The following CHRNB1 variants were observed in gnomAD, a reference collection of about 807,000 sequenced individuals.
CHRNB1 encodes the protein cholinergic receptor nicotinic beta 1 subunit.
CHRNB1 carries 47 observed loss-of-function variants against 53.8 expected under a neutral mutation model. That is an observed-to-expected ratio of 0.87 (90% CI 0.69 to 1.11). CHRNB1 has a LOEUF of 1.11. CHRNB1 is among the 50% of genes most tolerant of loss of function. CHRNB1 has a pLI of 0.00. For synonymous variants in CHRNB1, 259 were observed against 263.5 expected, an observed-to-expected ratio of 0.98 and a Z score of 0.16; for missense variants, 605 against 654.9, an observed-to-expected ratio of 0.92 and a Z score of 0.83.
intron 6 of CHRNB1, 46 bp downstream of exon 6, chr17:7,447,696 C>G: frequency 1.2e-6 from 2 of 1,609,734 alleles, no homozygotes; most frequent in Non-Finnish European, 1.7e-6. Flanking sequence ...TCATTTCCAG[C>G]TTCTAACAGA....
At chr17:7,452,260 G>C (rs1329942159) in intron 7 of CHRNB1, among the ~76,000 whole-genome samples, 1 of 152,092 alleles carries the variant, frequency 6.6e-6, no homozygotes, top group South Asian at 2.1e-4. Flanking sequence ...GTTTCGCTAT[G>C]TTGGCCAGGC....
intron 3 of CHRNB1, chr17:7,446,341 G>GTC (rs1908625435): frequency 2.1e-5 from 10 of 471,678 alleles, no homozygotes; most frequent in Non-Finnish European, 4.0e-5. Flanking sequence ...GTGTGTGTGT[G>GTC]TGTGTGTGTG....
Position 7,456,929 on chromosome 17 carries a change from G to C in CHRNB1, c.*206G>C. On this transcript the variant is annotated 3_prime_UTR_variant, in exon 11 of 11. Coordinates refer to ENST00000306071, the MANE Select transcript of CHRNB1 (RefSeq NM_000747.3). ...TGCAGTATCATCTGATTTACTCTTT[G>C]GGATCTTGAAGAAGCTCTTTTGGGT... The C allele has an allele frequency of 1.6e-6, 1 of 627,932 alleles. No individual in the cohort carries two copies. The highest frequency in any genetic ancestry group is 2.7e-6 in the Non-Finnish European group (1 of 364,176). The allele number at this position is 627,932 out of a possible 1,614,324, so 38.9% of individuals were successfully genotyped here.
chr17:7,452,813 A>G (rs1234593644), intron 7 of CHRNB1, among the ~76,000 whole-genome samples: 1 of 152,242 alleles, frequency 6.6e-6, no homozygotes, highest in Non-Finnish European at 1.5e-5. Flanking sequence ...CCTTAAGGTC[A>G]GGAGTTCAAG....
chr17:7,454,469 C>A lies in CHRNB1; in HGVS notation c.993C>A (p.Asn331Lys). ...TCATCCTTAGTGTCGTGGTTCTCAA[C>A]CTGCACCACCGCTCACCCCACACCC... ...FSVILSVVVL[N>K]LHHRSPHTHQ... The change falls in exon 8 of 11, where the codon AAC (asparagine) becomes AAA (lysine). Residue 331 changes from asparagine to lysine, a missense_variant. Coordinates refer to ENST00000306071, the MANE Select transcript of CHRNB1 (RefSeq NM_000747.3). 2 of 1,614,166 alleles carry A rather than the reference C, an allele frequency of 1.2e-6. No individual in the cohort carries two copies. Among genetic ancestry groups the A allele is most frequent in the Non-Finnish European group, 1.7e-6 (2 of 1,180,034 alleles).
chr17:7,456,194 C>G (rs2069949364), intron 10 of CHRNB1, among the ~76,000 whole-genome samples: 2 of 151,760 alleles, frequency 1.3e-5, no homozygotes, highest in Non-Finnish European at 2.9e-5. Flanking sequence ...GCTGGGACGA[C>G]AGGGGCGCGC....
chr17:7,446,663 G>A, intron 3 of CHRNB1, 170 bp from the exon 4 acceptor site: 1 of 619,118 alleles, frequency 1.6e-6, no homozygotes. Flanking sequence ...TAGCTGATGT[G>A]GATCCCAGCG....
chr17:7,445,130 GA>G lies in CHRNB1; in HGVS notation c.4del (p.Thr2ProfsTer6). On this transcript the variant is annotated frameshift_variant, in exon 1 of 11. Transcript: ENST00000306071. LOFTEE classifies it high-confidence loss of function. The surrounding 1 kb of genome is among the most constrained non-coding windows in gnomAD (Gnocchi z 5.7). ...GTCACTGAGCGAGCCGCCAGGCTAT[GA>G]CCCCAGGGGCTCTGCTGATGCTGCT... M[T>X]PGALLMLLGA... The G allele has an allele frequency of 6.2e-7, 1 of 1,608,340 alleles. No individual in the cohort carries two copies. Among genetic ancestry groups the G allele is most frequent in the Non-Finnish European group, 8.5e-7 (1 of 1,179,496 alleles).
chr17:7,455,664 T>C (rs1354047226), intron 9 of CHRNB1, 130 bp from the exon 10 acceptor site: 2 of 1,355,930 alleles, frequency 1.5e-6, no homozygotes, highest in African/African-American at 2.9e-5. Context: ...AGATCACTGC[T>C]GGAGGGAAAA....
chr17:7,451,620 C>T (rs1424128045), intron 7 of CHRNB1, among the ~76,000 whole-genome samples: 3 of 152,044 alleles, frequency 2.0e-5, no homozygotes, highest in Non-Finnish European at 4.4e-5. Context: ...CCACCAAGAG[C>T]CCAGGAAGGC....
intron 7 of CHRNB1, among the ~76,000 whole-genome samples, chr17:7,453,060 C>T (rs1011625385): frequency 2.6e-5 from 4 of 152,060 alleles, no homozygotes; most frequent in African/African-American, 7.2e-5. Flanking sequence ...GGAAGACTAT[C>T]AGAGGAGTAG....
At position 7,455,802 on chromosome 17, in the gene CHRNB1, C is replaced by T. The variant is rs933481369; in HGVS notation, c.1226C>T (p.Pro409Leu). 1.2e-6 allele frequency: 2 copies of T among 1,614,056 alleles called. No individual in the cohort carries two copies. Among genetic ancestry groups the T allele is most frequent in the African/African-American group, 2.7e-5 (2 of 74,928 alleles). ...FLFPKPNRFQ[P>L]ELSAPDLRRF... is the part of the protein sequence containing the mutation. ...AGTCACTCCTCTTCCAGGTTCCAGC[C>T]TGAACTGTCTGCCCCTGATCTGCGG... is the stretch of plus-strand genomic sequence containing the variant. The change falls in exon 10 of 11, where the codon CCT becomes CTT. Residue 409 changes from proline (P) to leucine (L), a missense_variant. Transcript: ENST00000306071.
chr17:7,449,780 C>G (rs1001543159), intron 7 of CHRNB1, among the ~76,000 whole-genome samples: 1 of 151,828 alleles, frequency 6.6e-6, no homozygotes. Flanking sequence ...CGCGGTGGCT[C>G]ACGCCTGTAA....
Position 7,445,779 on chromosome 17 carries a change from G to A in CHRNB1, c.199-290G>A. 1 of 647,906 alleles carries A rather than the reference G, an allele frequency of 1.5e-6. No homozygotes were observed. Among genetic ancestry groups the A allele is most frequent in the Non-Finnish European group, 2.6e-6 (1 of 383,224 alleles). The allele number at this position is 647,906 out of a possible 1,614,324, so 40.1% of individuals were successfully genotyped here. A position where few individuals can be genotyped will look rare whatever the true frequency, so the allele number is the denominator to read the frequency against. On this transcript the variant is annotated intron_variant, in intron 2 of 10. Coordinates refer to ENST00000306071, the MANE Select transcript of CHRNB1 (RefSeq NM_000747.3). The surrounding 1 kb of genome is among the most constrained non-coding windows in gnomAD (Gnocchi z 5.7). ...TAAATGGCAGCGGGTGGAGGTTCGGGGCTGGGTGGATTATGAGCTGAAGGC... is the reference window on the plus strand; with the variant it reads ...TAAATGGCAGCGGGTGGAGGTTCGGAGCTGGGTGGATTATGAGCTGAAGGC...
intron 10 of CHRNB1, 81 bp from the exon 11 acceptor site, chr17:7,456,502 C>G: frequency 1.3e-6 from 2 of 1,584,692 alleles, no homozygotes; most frequent in East Asian, 2.2e-5. Context: ...AGGACTCAAG[C>G]GGGTAGCGGG....
rs771545907 is a variant in CHRNB1, at chr17:7,454,409, C to T, written c.933C>T (p.Tyr311=). 2.5e-6 allele frequency: 4 copies of T among 1,614,062 alleles called. No homozygotes were observed. Among genetic ancestry groups the T allele is most frequent in the Non-Finnish European group, 3.4e-6 (4 of 1,179,978 alleles). Reference sequence around the variant, plus strand: ...TATCAGTACCCATTATTATCAAGTACCTCATGTTTACCATGGTCCTCGTCA... The same window carrying T: ...TATCAGTACCCATTATTATCAAGTATCTCATGTTTACCATGGTCCTCGTCA... ...TSLSVPIIIK[Y]LMFTMVLVTF... Residue 311 remains tyrosine, a synonymous_variant, in exon 8 of 11, where the codon TAC becomes TAT. Transcript: ENST00000306071.
Position 7,446,927 on chromosome 17 carries a change from T to C in CHRNB1, c.338T>C (p.Val113Ala). 1 of 1,611,282 alleles carries C rather than the reference T, an allele frequency of 6.2e-7. No individual in the cohort carries two copies. The highest frequency in any genetic ancestry group is 2.2e-5 in the East Asian group (1 of 44,632). The change falls in exon 4 of 11, where the codon GTG becomes GCG. Residue 113 changes from valine (V) to alanine (A), a missense_variant. By Grantham distance (64) the Val-to-Ala change is moderately conservative (BLOSUM62 0). Coordinates refer to ENST00000306071, the MANE Select transcript of CHRNB1 (RefSeq NM_000747.3). ...GCGGAATCCGTGTGGCTCCCTGACGTGGTGCTACTGAACAAGTAGGAGAAC... is the reference window on the plus strand; with the variant it reads ...GCGGAATCCGTGTGGCTCCCTGACGCGGTGCTACTGAACAAGTAGGAGAAC... ...ITAESVWLPD[V>A]VLLNNNDGNF...
At chr17:7,456,513 C>T (rs1295496460) in intron 10 of CHRNB1, 70 bp from the exon 11 acceptor site, 1 of 1,600,062 alleles carries the variant, frequency 6.2e-7, no homozygotes. Context: ...GGGTAGCGGG[C>T]GGGGAAATGG....
intron 3 of CHRNB1, 89 bp downstream of exon 3, chr17:7,446,202 C>A: frequency 8.6e-7 from 1 of 1,157,466 alleles, no homozygotes; most frequent in Non-Finnish European, 1.3e-6. Flanking sequence ...TTTTTTACAT[C>A]ATGACTTTAG....
Sources: gnomAD v4.1 joint callset for allele counts (sites outside exome capture counted in the v4.1 genomes callset) on GRCh38, gnomAD v4.1.1 for gene constraint, Gnocchi (gnomAD v3.1) non-coding constraint, MANE v1.5 for transcripts, NCBI Gene and HGNC (gene_info 2026-07-23, HGNC 2026-07-21) for gene names.